Variants in STRN observed in about 807,000 individuals in gnomAD.
STRN encodes striatin.
In STRN, 53 loss-of-function variants were observed where a neutral mutation model predicts 96.3. The ratio of observed to expected loss-of-function variants is 0.55; its 90% CI spans 0.44 to 0.69. The LOEUF (loss-of-function observed/expected upper bound fraction) is 0.69. Among genes scored for constraint, STRN ranks in the 30% least tolerant of loss-of-function variants. The pLI is 0.00. For missense variants in STRN, 987 were observed against 963.9 expected (o/e 1.02, Z -0.32); for synonymous variants, 428 against 355.9 (o/e 1.20, Z -2.28).
At chr2:36,927,444 G>A (rs1163060824) in intron 1 of STRN, among the ~76,000 whole-genome samples, 1 of 149,512 alleles carries the variant, frequency 6.7e-6, no homozygotes, top group Non-Finnish European at 1.5e-5. Flanking sequence ...AGGAGGCCAA[G>A]GCTGCAGTGA....
chr2:36,908,418 A>G (rs867965603), intron 3 of STRN, among the ~76,000 whole-genome samples: 1 of 152,256 alleles, frequency 6.6e-6, no homozygotes, highest in Non-Finnish European at 1.5e-5. Flanking sequence ...TAAGTGAATA[A>G]GCCAGAATCG....
At chr2:36,876,522 T>C (rs1668916817) in intron 10 of STRN, among the ~76,000 whole-genome samples, 1 of 151,972 alleles carries the variant, frequency 6.6e-6, no homozygotes, top group African/African-American at 2.4e-5. Context: ...GTGGTAAGCA[T>C]TATTCTTTGG....
At chr2:36,946,563 G>A (rs575066248) in intron 1 of STRN, among the ~76,000 whole-genome samples, 13 of 152,060 alleles carry the variant, frequency 8.5e-5, no homozygotes, top group East Asian at 1.9e-4. Flanking sequence ...AAAATCCCAC[G>A]TGTGTGTGTG....
chr2:36,926,873 A>C (rs1670424003), intron 1 of STRN, among the ~76,000 whole-genome samples: 1 of 152,236 alleles, frequency 6.6e-6, no homozygotes, highest in Admixed American at 6.5e-5. Flanking sequence ...TAGTAATGAC[A>C]CATGCATTTA....
intron 3 of STRN, among the ~76,000 whole-genome samples, chr2:36,913,312 A>T (rs1370801212): frequency 1.3e-5 from 2 of 152,172 alleles, no homozygotes; most frequent in Non-Finnish European, 2.9e-5. Flanking sequence ...CTCTATCTAC[A>T]TCTGGAAACA....
At chr2:36,953,933 C>T (rs1664819460) in intron 1 of STRN, among the ~76,000 whole-genome samples, 1 of 152,074 alleles carries the variant, frequency 6.6e-6, no homozygotes, top group African/African-American at 2.4e-5. Flanking sequence ...GAGTGTGAGG[C>T]TGCAGTGAAC....
intron 1 of STRN, among the ~76,000 whole-genome samples, chr2:36,953,820 T>C (rs1051750389): frequency 1.1e-4 from 17 of 152,162 alleles, no homozygotes; most frequent in African/African-American, 3.9e-4. Context: ...TAACATAGCA[T>C]ATGTAAAACA....
chr2:36,937,730 T>A lies in STRN; in HGVS notation c.235-12522A>T, dbSNP rs1477177725. ...AGAAGGAAATAAGAAAGAAAAGAAA[T>A]TTGCTGCATAGACATGACCATATTC... On this transcript the variant is annotated intron_variant, in intron 1 of 17. Transcript: ENST00000263918. Among the ~76,000 whole-genome samples, 7 of 150,828 alleles carry A rather than the reference T, an allele frequency of 4.6e-5. No individual in the cohort carries two copies. The East Asian group carries it at 1.2e-3, about 25-fold the overall frequency.
At chr2:36,897,846 T>C (rs866270173) in intron 6 of STRN, among the ~76,000 whole-genome samples, 2 of 152,030 alleles carry the variant, frequency 1.3e-5, no homozygotes, top group African/African-American at 2.4e-5. Flanking sequence ...GTATCACACA[T>C]GGCTAATTAA....
intron 10 of STRN, among the ~76,000 whole-genome samples, chr2:36,873,140 C>T (rs531406530): frequency 2.6e-4 from 40 of 152,310 alleles, no homozygotes; most frequent in Non-Finnish European, 5.1e-4. Context: ...TAGAAAAAGC[C>T]AAGCTTGCAG....
At chr2:36,896,390 T>C (rs756383308) in intron 6 of STRN, among the ~76,000 whole-genome samples, 1 of 152,150 alleles carries the variant, frequency 6.6e-6, no homozygotes, top group Non-Finnish European at 1.5e-5. Context: ...GCTTTTAATG[T>C]TTGGGTAGAG....
chr2:36,963,035 A>G (rs1665066867), intron 1 of STRN, among the ~76,000 whole-genome samples: 1 of 152,106 alleles, frequency 6.6e-6, no homozygotes, highest in Non-Finnish European at 1.5e-5. Flanking sequence ...TTTTCCCCCC[A>G]TGAACTACTG....
chr2:36,877,837 A>G (rs1668955510), intron 10 of STRN, 54 bp downstream of exon 10: 3 of 1,603,840 alleles, frequency 1.9e-6, no homozygotes, highest in East Asian at 4.5e-5. Flanking sequence ...ACCCAGCCCA[A>G]GTTTTTGTTT....
chr2:36,966,223 T>C lies in STRN; in HGVS notation c.234+7A>G. 1 of 1,549,840 alleles carries C rather than the reference T, an allele frequency of 6.5e-7. No homozygotes were observed. The highest frequency in any genetic ancestry group is 8.7e-7 in the Non-Finnish European group (1 of 1,150,070). Reference sequence around the variant, plus strand: ...GATGAAGACGGCCAGGCCGGGAGGGTCTTTACCTGCAGCTCCGCCCGCTCC... The same window carrying C: ...GATGAAGACGGCCAGGCCGGGAGGGCCTTTACCTGCAGCTCCGCCCGCTCC... On this transcript the variant is annotated splice_region_variant and intron_variant, in intron 1 of 17. Transcript: ENST00000263918.
intron 3 of STRN, among the ~76,000 whole-genome samples, chr2:36,906,449 G>A (rs1031928536): frequency 5.5e-5 from 7 of 128,308 alleles, no homozygotes; most frequent in African/African-American, 1.7e-4. Context: ...ACAGAGGGAG[G>A]CTCTGTCTCA....
chr2:36,915,228 CATAAATATAT>C (rs1232852387), intron 3 of STRN, among the ~76,000 whole-genome samples: 3 of 65,294 alleles, frequency 4.6e-5, no homozygotes, highest in African/African-American at 1.4e-4. Context: ...AAACTGAATA[CATAAATATAT>C]ATATATATAT....
intron 13 of STRN, 70 bp downstream of exon 13, chr2:36,861,062 T>G: frequency 1.3e-6 from 2 of 1,575,244 alleles, no homozygotes; most frequent in Non-Finnish European, 1.7e-6. Context: ...ATCTCTTCCT[T>G]TTATATTCTA....
chr2:36,858,666 G>T (rs1197852427), intron 13 of STRN, among the ~76,000 whole-genome samples: 1 of 152,202 alleles, frequency 6.6e-6, no homozygotes, highest in Non-Finnish European at 1.5e-5. Flanking sequence ...TCTTCACAAT[G>T]ATTCTATGAA....
intron 3 of STRN, among the ~76,000 whole-genome samples, chr2:36,913,716 T>C (rs1051448298): frequency 1.3e-5 from 2 of 152,190 alleles, no homozygotes; most frequent in Non-Finnish European, 2.9e-5. Flanking sequence ...ATAAGATGAA[T>C]GGATGGTTGG....
Sources: allele counts gnomAD v4.1 joint callset (sites outside exome capture counted in the v4.1 genomes callset), GRCh38; gene constraint gnomAD v4.1.1; transcripts MANE v1.5; gene names NCBI Gene and HGNC (gene_info 2026-07-23, HGNC 2026-07-21).